Variants in PKIG observed in about 807,000 individuals in gnomAD.
PKIG encodes the protein protein kinase (cAMP-dependent, catalytic) inhibitor gamma.
In PKIG, 1 loss-of-function variant was observed where a neutral mutation model predicts 6.8. The observed-to-expected ratio is 0.15, with a 90% CI of 0.05 to 0.69. The LOEUF is 0.69. Among genes scored for constraint, PKIG ranks in the 30% least tolerant of loss-of-function variants. The probability of loss-of-function intolerance (pLI) is 0.82; values close to 1 mark genes in which losing one functional copy is unlikely to be tolerated. For missense variants in PKIG, 77 were observed against 104.0 expected, an observed-to-expected ratio of 0.74 and a Z score of 1.13; for synonymous variants, 39 against 43.0, an observed-to-expected ratio of 0.91 and a Z score of 0.36.
chr20:44,563,374 AT>A (rs199711065), intron 1 of PKIG, among the ~76,000 whole-genome samples: 2,683 of 146,778 alleles, frequency 0.018, 44 homozygotes, highest in South Asian at 0.049. Context: ...AGAACAACTG[AT>A]TTTTTTTTTT....
At chr20:44,539,854 C>T (rs2064545239) in intron 1 of PKIG, among the ~76,000 whole-genome samples, 2 of 152,188 alleles carry the variant, frequency 1.3e-5, no homozygotes, top group Non-Finnish European at 2.9e-5. Flanking sequence ...AGCCATTTCT[C>T]CTCTTCTTTT....
intron 2 of PKIG, among the ~76,000 whole-genome samples, chr20:44,611,520 C>CTTTTTTTTTTTTT (rs1330858238): frequency 7.1e-6 from 1 of 141,484 alleles, no homozygotes; most frequent in Non-Finnish European, 1.6e-5. Context: ...TCTATATCAA[C>CTTTTTTTTTTTTT]TTTTTTTTTT....
At chr20:44,596,629 C>T (rs902959909) in intron 2 of PKIG, among the ~76,000 whole-genome samples, 5 of 152,164 alleles carry the variant, frequency 3.3e-5, no homozygotes, top group African/African-American at 7.2e-5. Context: ...GTTCTGGGTT[C>T]GGAACCCTAC....
intron 1 of PKIG, among the ~76,000 whole-genome samples, chr20:44,544,925 C>CTTTTTT (rs796482642): frequency 0.013 from 855 of 64,408 alleles, 64 homozygotes; most frequent in African/African-American, 0.029. Context: ...TTCCTTCTTT[C>CTTTTTT]TTTTTTTTTT....
At chr20:44,588,567 T>G (rs1183773303) in intron 1 of PKIG, among the ~76,000 whole-genome samples, 3 of 151,986 alleles carry the variant, frequency 2.0e-5, no homozygotes, top group Non-Finnish European at 4.4e-5. Context: ...TTGCTTAAAC[T>G]TGGGAGGCAG....
chr20:44,606,112 C>A (rs549110267), intron 2 of PKIG, among the ~76,000 whole-genome samples: 1 of 152,242 alleles, frequency 6.6e-6, no homozygotes, highest in African/African-American at 2.4e-5. Flanking sequence ...ATACTAGTAA[C>A]TCCTAATTAG....
chr20:44,553,579 A>C (rs1259092013), intron 1 of PKIG, among the ~76,000 whole-genome samples: 1 of 152,186 alleles, frequency 6.6e-6, no homozygotes, highest in Non-Finnish European at 1.5e-5. Context: ...AATGACTGAT[A>C]TCTTTGTGCC....
At chr20:44,575,453 C>T (rs2064889108) in intron 1 of PKIG, among the ~76,000 whole-genome samples, 1 of 152,100 alleles carries the variant, frequency 6.6e-6, no homozygotes, top group Non-Finnish European at 1.5e-5. Flanking sequence ...TCCTGTCATG[C>T]AGCTGGTTTT....
chr20:44,607,377 ATTTT>A (rs59226646), intron 2 of PKIG, among the ~76,000 whole-genome samples: 5 of 94,254 alleles, frequency 5.3e-5, no homozygotes, highest in African/African-American at 2.3e-4. Context: ...ATATATATAT[ATTTT>A]TTTTTTTTTT....
At chr20:44,609,934 C>T (rs914857818) in intron 2 of PKIG, among the ~76,000 whole-genome samples, 4 of 152,198 alleles carry the variant, frequency 2.6e-5, no homozygotes, top group African/African-American at 9.7e-5. Flanking sequence ...CTTTCCTTAT[C>T]GTAGGAATTG....
upstream of PKIG, among the ~76,000 whole-genome samples, chr20:44,578,328 C>CAAA (rs3092061): frequency 2.3e-5 from 2 of 87,268 alleles, no homozygotes; most frequent in African/African-American, 4.0e-5. Flanking sequence ...GACTCCATCT[C>CAAA]AAAAAAAAAA....
At chr20:44,545,859 C>G (rs1371379897) in intron 1 of PKIG, among the ~76,000 whole-genome samples, 1 of 152,046 alleles carries the variant, frequency 6.6e-6, no homozygotes, top group Non-Finnish European at 1.5e-5. Context: ...CTTCAGAACA[C>G]TTCACAAGTA....
At position 44,618,343 on chromosome 20, in the gene PKIG, C is replaced by T. The variant is rs6031673; in HGVS notation, c.210C>T (p.Ser70=). Residue 70 remains serine (S), a synonymous_variant, in exon 4 of 4, where the codon AGC becomes AGT. Transcript: ENST00000372886. ...AAGCTGGCAACCAGCCCCAGAGCAG[C>T]GATGGGACCACCTCGTCTTGAATCT... is the stretch of plus-strand genomic sequence containing the variant. ...DKEAGNQPQS[S]DGTTSS The T allele has an allele frequency of 8.7e-6, 14 of 1,612,104 alleles. No individual in the cohort carries two copies. The highest frequency in any genetic ancestry group is 6.6e-5 in the South Asian group (6 of 91,050).
chr20:44,539,554 G>A (rs2064542428), intron 1 of PKIG, among the ~76,000 whole-genome samples: 1 of 151,912 alleles, frequency 6.6e-6, no homozygotes, highest in African/African-American at 2.4e-5. Flanking sequence ...GAGTAGCTGG[G>A]ATTACAGGCG....
intron 3 of PKIG, among the ~76,000 whole-genome samples, chr20:44,617,881 C>A (rs1405446562): frequency 6.6e-6 from 1 of 150,718 alleles, no homozygotes; most frequent in Non-Finnish European, 1.5e-5. Context: ...CCCGTCTCTA[C>A]TAAAAATACA....
rs1313565308 is a variant in PKIG, at chr20:44,541,229, T to TCCTAAAAAAAA, written c.-241+9251_-241+9252insCCTAAAAAAAA. Among the ~76,000 whole-genome samples the TCCTAAAAAAAA allele has an allele frequency of 2.6e-5, 4 of 152,350 alleles. No individual in the cohort carries two copies. The East Asian group carries it at 7.7e-4, about 29-fold the overall frequency. On this transcript the variant is annotated intron_variant, in intron 1 of 4. Coordinates refer to the PKIG transcript ENST00000372887. ...AGGACTAGGAAATACAGACTTTGATTTATTTTTTAAGTGATTCTCCATCAG... is the reference window on the plus strand; with the variant it reads ...AGGACTAGGAAATACAGACTTTGATTCCTAAAAAAAATATTTTTTAAGTGATTCTCCATCAG...
chr20:44,575,768 G>T (rs1231602767), intron 1 of PKIG, among the ~76,000 whole-genome samples: 1 of 152,208 alleles, frequency 6.6e-6, no homozygotes, highest in Non-Finnish European at 1.5e-5. Flanking sequence ...GTCTTTGGCT[G>T]TGGTTCTGCA....
intron 1 of PKIG, among the ~76,000 whole-genome samples, chr20:44,545,671 C>T (rs1352365287): frequency 3.3e-5 from 5 of 151,522 alleles, no homozygotes. Context: ...GAAAATTAGC[C>T]AGATGTGGTG....
chr20:44,547,735 C>T (rs951622709), intron 1 of PKIG, among the ~76,000 whole-genome samples: 2 of 152,156 alleles, frequency 1.3e-5, no homozygotes, highest in East Asian at 3.8e-4. Context: ...ATAGTAATAA[C>T]ATCTTAAACA....
Sources: gnomAD v4.1 joint callset for allele counts (sites outside exome capture counted in the v4.1 genomes callset) on GRCh38, gnomAD v4.1.1 for gene constraint, MANE v1.5 for transcripts, NCBI Gene and HGNC (gene_info 2026-07-23, HGNC 2026-07-21) for gene names.